Variants in MFNG observed in about 807,000 individuals in gnomAD.
MFNG encodes the protein MFNG O-fucosylpeptide 3-beta-N-acetylglucosaminyltransferase.
A neutral mutation model predicts 34.2 loss-of-function variants in MFNG; 24 were observed. That is an observed-to-expected ratio of 0.70 (90% CI 0.51 to 0.99). MFNG has a LOEUF of 0.99. MFNG is among the 50% of genes least tolerant of loss of function. The pLI is 0.00. For missense variants in MFNG, 383 were observed against 424.0 expected (o/e 0.90, Z 0.85); for synonymous variants, 158 against 179.2 (o/e 0.88, Z 0.94).
Position 37,479,385 on chromosome 22 carries a change from C to G in MFNG, c.521G>C (p.Arg174Pro). Reference sequence around the variant, plus strand: ...CTGTGGCTCTGAGGCATGGATGGGCCGGTTCAGGCTGGGCCTTCCCACATA... The same window carrying G: ...CTGTGGCTCTGAGGCATGGATGGGCGGGTTCAGGCTGGGCCTTCCCACATA... ...DVYVGRPSLN[R>P]PIHASEPQPH... Residue 174 changes from arginine to proline, a missense_variant, in exon 4 of 8, where the codon CGG (arginine) becomes CCG (proline). Arg to Pro is a moderately radical substitution (Grantham distance 103, BLOSUM62 -2). Coordinates refer to ENST00000356998, the MANE Select transcript of MFNG (RefSeq NM_002405.4). 1 of 1,605,044 alleles carries G rather than the reference C, an allele frequency of 6.2e-7. No individual in the cohort carries two copies. Among genetic ancestry groups the G allele is most frequent in the South Asian group, 1.1e-5 (1 of 90,046 alleles).
intron 7 of MFNG, among the ~76,000 whole-genome samples, chr22:37,471,377 T>G (rs1476193701): frequency 3.3e-5 from 5 of 152,174 alleles, no homozygotes; most frequent in African/African-American, 4.8e-5. Context: ...GAACTCCCCA[T>G]GGCTGTAGGC....
In MFNG at chr22:37,469,883, G is replaced by A. The variant is rs777073480; in HGVS notation, c.*80C>T. ...AGGGACTGCCTATCACAAGACACTT[G>A]CCAGGGACCCACAGTGCCACCTTGG... On this transcript the variant is annotated 3_prime_UTR_variant, in exon 8 of 8. Coordinates refer to ENST00000356998, the MANE Select transcript of MFNG (RefSeq NM_002405.4). 3.4e-6 allele frequency: 4 copies of A among 1,169,208 alleles called. No homozygotes were observed. In the African/African-American group the frequency reaches 6.1e-5, roughly 18 times the overall value. 72.4% of individuals were successfully genotyped at this position (1,169,208 alleles called of 1,614,324 possible).
intron 4 of MFNG, 37 bp from the exon 5 acceptor site, chr22:37,477,018 G>C (rs1001962854): frequency 1.3e-6 from 2 of 1,588,390 alleles, no homozygotes; most frequent in African/African-American, 2.7e-5. Context: ...GAGTGAGCCT[G>C]GTGGCAGTTG....
In MFNG at chr22:37,479,433, G is replaced by T; in HGVS notation, c.473C>A (p.Ala158Asp). ...ATAGACGTCGCGGGCCAGCGGGAAG[G>T]CTCTCAGAAGCTGCAGCAGCGCCCT... is the stretch of plus-strand genomic sequence containing the variant. ...NPRALLQLLR[A>D]FPLARDVYVG... The change falls in exon 4 of 8, where the codon GCC becomes GAC. Residue 158 changes from alanine to aspartate, a missense_variant. By Grantham distance (126) the Ala-to-Asp change is moderately radical. Coordinates refer to ENST00000356998, the MANE Select transcript of MFNG (RefSeq NM_002405.4). 1.9e-6 allele frequency: 3 copies of T among 1,609,878 alleles called. No individual in the cohort carries two copies. Among genetic ancestry groups the T allele is most frequent in the Non-Finnish European group, 2.5e-6 (3 of 1,178,144 alleles).
At chr22:37,484,498 C>G (rs1424513695) in intron 1 of MFNG, 1 of 141,132 alleles carries the variant, frequency 7.1e-6, no homozygotes, top group South Asian at 2.4e-4. Flanking sequence ...GAGCAAGGTT[C>G]TAGGTCCCAC....
Position 37,479,200 on chromosome 22 carries a change from G to C in MFNG, c.561+145C>G, listed in dbSNP as rs567015196. The C allele has an allele frequency of 5.2e-5, 41 of 794,894 alleles. No homozygotes were observed. The South Asian group carries it at 9.2e-4, about 18-fold the overall frequency. The allele number at this position is 794,894 out of a possible 1,614,324, so 49.2% of individuals were successfully genotyped here. Reference sequence around the variant, plus strand: ...AGAGGAAGAGACTGAGGGTTGAAGAGGGGAAGCTACCAGCCCAAACCCACA... The same window carrying C: ...AGAGGAAGAGACTGAGGGTTGAAGACGGGAAGCTACCAGCCCAAACCCACA... On this transcript the variant is annotated intron_variant, in intron 4 of 7. Coordinates refer to ENST00000356998, the MANE Select transcript of MFNG (RefSeq NM_002405.4).
At chr22:37,484,755 G>C (rs1922464585) in intron 1 of MFNG, 1 of 152,404 alleles carries the variant, frequency 6.6e-6, no homozygotes, top group South Asian at 2.1e-4. Flanking sequence ...GAGAAGCCGT[G>C]TGGGGCCCAG....
chr22:37,479,566 C>A (rs552230417), intron 3 of MFNG, 68 bp from the exon 4 acceptor site: 9 of 1,588,250 alleles, frequency 5.7e-6, no homozygotes, highest in Non-Finnish European at 7.7e-6. Context: ...CAAGCACCCC[C>A]ACAGTCGGTC....
At position 37,485,289 on chromosome 22, in the gene MFNG, T is replaced by G. The variant is rs1216897239; in HGVS notation, c.255+634A>C. On this transcript the variant is annotated intron_variant, in intron 1 of 7. Transcript: ENST00000356998. This position sits in a 1 kb window ranked among gnomAD's most constrained non-coding sequence, Gnocchi z 5.3. ...CCTCGTGGCATGCGCTCTCCTTCCC[T>G]CCCTCGGAAGCAGTCCGCAGGAAGC... Among the ~76,000 whole-genome samples the G allele has an allele frequency of 1.3e-5, 2 of 151,658 alleles. No individual in the cohort carries two copies. Among genetic ancestry groups the G allele is most frequent in the Admixed American group, 1.3e-4 (2 of 15,246 alleles).
At position 37,480,192 on chromosome 22, in the gene MFNG, C is replaced by T. The variant is rs981373776; in HGVS notation, c.407+5G>A. 1.3e-6 allele frequency: 2 copies of T among 1,599,306 alleles called. No homozygotes were observed. The highest frequency in any genetic ancestry group is 1.3e-5 in the African/African-American group (1 of 74,686). ...ACTTATCCCCAGAGACCCAGGAACA[C>T]TCGCCTAAGCCCACTGGCCAAGAAG... On this transcript the variant is annotated splice_donor_5th_base_variant and intron_variant, in intron 3 of 7. Transcript: ENST00000356998.
chr22:37,480,589 G>A, intron 2 of MFNG, 132 bp downstream of exon 2: 2 of 890,104 alleles, frequency 2.2e-6, no homozygotes, highest in Non-Finnish European at 3.6e-6. Flanking sequence ...TCCCTCCTGG[G>A]CAAAGGGGAA....
At position 37,469,697 on chromosome 22, in the gene MFNG, A is replaced by G. The variant is rs1300306780; in HGVS notation, c.*266T>C. Reference sequence around the variant, plus strand: ...CTCAAGTGCCCCCTGCCCTTTTTCAATTCAGCCTCCTGAGGGAGTCTAGCC... The same window carrying G: ...CTCAAGTGCCCCCTGCCCTTTTTCAGTTCAGCCTCCTGAGGGAGTCTAGCC... On this transcript the variant is annotated 3_prime_UTR_variant, in exon 8 of 8. Transcript: ENST00000356998. The G allele has an allele frequency of 1.8e-6, 1 of 558,618 alleles. No homozygotes were observed. The highest frequency in any genetic ancestry group is 3.3e-6 in the Non-Finnish European group (1 of 299,418). The allele number at this position is 558,618 out of a possible 1,614,324, so 34.6% of individuals were successfully genotyped here.
In MFNG at chr22:37,483,340, A is replaced by G. The variant is rs966750516; in HGVS notation, c.256-2571T>C. Among the ~76,000 whole-genome samples the G allele has an allele frequency of 6.6e-6, 1 of 151,932 alleles. No homozygotes were observed. The highest frequency in any genetic ancestry group is 1.5e-5 in the Non-Finnish European group (1 of 67,976). ...CTCCCTGCTCCCTGCCTCCACCCCA[A>G]GTCGGTTTTCAACACAGCCTCAAGG... is the stretch of plus-strand genomic sequence containing the variant. On this transcript the variant is annotated intron_variant, in intron 1 of 7. Coordinates refer to ENST00000356998, the MANE Select transcript of MFNG (RefSeq NM_002405.4). The surrounding 1 kb of genome is among the most constrained non-coding windows in gnomAD (Gnocchi z 4.5).
intron 4 of MFNG, among the ~76,000 whole-genome samples, chr22:37,477,739 C>T (rs557597457): frequency 2.8e-4 from 42 of 152,280 alleles, no homozygotes; most frequent in African/African-American, 8.2e-4. Context: ...TATGAGCCAC[C>T]GCGCCCGGCC....
At position 37,469,839 on chromosome 22, in the gene MFNG, A is replaced by G. The variant is rs1211778654; in HGVS notation, c.*124T>C. The G allele has an allele frequency of 3.6e-6, 3 of 832,062 alleles. No homozygotes were observed. The Admixed American group carries it at 6.0e-5, about 17-fold the overall frequency. The allele number at this position is 832,062 out of a possible 1,614,324, so 51.5% of individuals were successfully genotyped here. On this transcript the variant is annotated 3_prime_UTR_variant, in exon 8 of 8. Coordinates refer to ENST00000356998, the MANE Select transcript of MFNG (RefSeq NM_002405.4). ...TGCCACTCAGATCCTGGGCTTGCCA[A>G]CCACCCGAAGGCCCTGCCAGGGACT...
chr22:37,480,063 C>G (rs1426851971), intron 3 of MFNG, 134 bp downstream of exon 3: 1 of 632,672 alleles, frequency 1.6e-6, no homozygotes, highest in Non-Finnish European at 2.7e-6. Flanking sequence ...AGGACTGGAA[C>G]CCAGCTGGAC....
In MFNG at chr22:37,476,965, C is replaced by T. The variant is rs376317023; in HGVS notation, c.578G>A (p.Trp193Ter). ...GAAGCCAGCACCCCCAGTGGCAAACCAGAACTGTACCAGCCTCTGAGAGAG... is the reference window on the plus strand; with the variant it reads ...GAAGCCAGCACCCCCAGTGGCAAACTAGAACTGTACCAGCCTCTGAGAGAG... The part of the protein sequence containing the change: ...PHNRTRLVQF[W>*]FATGGAGFCI... The change falls in exon 5 of 8, where the codon TGG becomes TAG. Residue 193 changes from tryptophan (W) to a stop codon, truncating the protein, a stop_gained. Transcript: ENST00000356998. LOFTEE classifies it high-confidence loss of function. 5 of 1,613,988 alleles carry T rather than the reference C, an allele frequency of 3.1e-6. No homozygotes were observed. The African/African-American group carries it at 5.3e-5, about 17-fold the overall frequency.
chr22:37,470,044 G>GA lies in MFNG; in HGVS notation c.900-16dup. On this transcript the variant is annotated splice_polypyrimidine_tract_variant and intron_variant, in intron 7 of 7. Coordinates refer to ENST00000356998, the MANE Select transcript of MFNG (RefSeq NM_002405.4). ...GGGAGCGAAATCTGCAGAGAGACCA[G>GA]AAAAGGACAGGATGGTCACCCCCCA... is the stretch of plus-strand genomic sequence containing the variant. 1 of 1,586,256 alleles carries GA rather than the reference G, an allele frequency of 6.3e-7. No homozygotes were observed. Among genetic ancestry groups the GA allele is most frequent in the Non-Finnish European group, 8.6e-7 (1 of 1,162,628 alleles).
chr22:37,479,615 C>A (rs1922200115), intron 3 of MFNG, 117 bp from the exon 4 acceptor site: 1 of 1,280,700 alleles, frequency 7.8e-7, no homozygotes, highest in Non-Finnish European at 1.1e-6. Flanking sequence ...GAGAGGCTGA[C>A]ATTTAAGGCA....
Sources: gnomAD v4.1 joint callset for allele counts (sites outside exome capture counted in the v4.1 genomes callset) on GRCh38, gnomAD v4.1.1 for gene constraint, Gnocchi (gnomAD v3.1) non-coding constraint, MANE v1.5 for transcripts, NCBI Gene and HGNC (gene_info 2026-07-23, HGNC 2026-07-21) for gene names.